The following CXCL1 variants were observed in gnomAD, a reference collection of about 807,000 sequenced individuals.
CXCL1 encodes the protein C-X-C motif chemokine ligand 1.
In CXCL1, 9 loss-of-function variants were observed where a neutral mutation model predicts 11.7. The ratio of observed to expected loss-of-function variants is 0.77; its 90% confidence interval spans 0.46 to 1.34. The LOEUF is 1.34. Among genes scored for constraint, CXCL1 ranks in the 40% most tolerant of loss-of-function variants. The pLI is 0.00. For synonymous variants in CXCL1, 78 were observed against 59.1 expected (o/e 1.32, Z -1.47); for missense variants, 146 against 138.1 (o/e 1.06, Z -0.29).
rs559470228 is a variant in CXCL1, at chr4:73,869,802, G to T, written c.224+10G>T. The stretch of plus-strand genomic sequence containing the variant: ...CCCAAACCGAAGTCATGTAAGTCCC[G>T]CCCCGCGCTGCCTCTGCCACCGCCG... On this transcript the variant is annotated intron_variant, in intron 2 of 3. Transcript: ENST00000395761. The T allele has an allele frequency of 8.1e-6, 13 of 1,613,696 alleles. No individual in the cohort carries two copies. In the East Asian group the frequency reaches 2.2e-4, roughly 28 times the overall value.
At chr4:73,870,157 G>T in intron 3 of CXCL1, 168 bp downstream of exon 3, 1 of 731,326 alleles carries the variant, frequency 1.4e-6, no homozygotes, top group East Asian at 2.7e-5. Context: ...TACTGCTCTG[G>T]TGCCAGAGGA....
rs200330934 is a variant in CXCL1 at position 73,869,650 on chromosome 4, T to C, written c.101-19T>C. 9.5e-5 allele frequency: 153 copies of C among 1,613,960 alleles called. No homozygotes were observed. The Middle Eastern group carries it at 9.9e-4, about 10-fold the overall frequency. Reference sequence around the variant, plus strand: ...AGCGCCGACAGCCTCGCTCAGTCAGTGAGTCTCTTCTTCCCTAGGAGCGTC... The same window carrying C: ...AGCGCCGACAGCCTCGCTCAGTCAGCGAGTCTCTTCTTCCCTAGGAGCGTC... On this transcript the variant is annotated intron_variant, in intron 1 of 3. Coordinates refer to ENST00000395761, the MANE Select transcript of CXCL1 (RefSeq NM_001511.4).
At chr4:73,870,140 C>A (rs1049390051) in intron 3 of CXCL1, 151 bp downstream of exon 3, 2 of 788,490 alleles carry the variant, frequency 2.5e-6, no homozygotes, top group East Asian at 2.7e-5. Flanking sequence ...GTTTCCTTTA[C>A]GATAATTACT....
chr4:73,871,003 G>GT lies in CXCL1; in HGVS notation c.*470dup. 1 of 154,314 alleles carries GT rather than the reference G, an allele frequency of 6.5e-6. No individual in the cohort carries two copies. The highest frequency in any genetic ancestry group is 2.5e-5 in the African/African-American group (1 of 40,566). 9.6% of individuals were successfully genotyped at this position (154,314 alleles called of 1,614,324 possible). On this transcript the variant is annotated 3_prime_UTR_variant, in exon 4 of 4. Transcript: ENST00000395761. ...GTATGTGCACATCTGTTTTGTAACTGTTTAGATGAATGTCAGTTGTTATTT... is the reference window on the plus strand; with the variant it reads ...GTATGTGCACATCTGTTTTGTAACTGTTTTAGATGAATGTCAGTTGTTATTT...
chr4:73,870,131 T>G (rs1560521530), intron 3 of CXCL1, 142 bp downstream of exon 3: 10 of 856,044 alleles, frequency 1.2e-5, no homozygotes, highest in Non-Finnish European at 1.6e-5. Flanking sequence ...ACAATTAAGG[T>G]TTCCTTTACG....
At chr4:73,869,617 AG>A (rs1731891079) in intron 1 of CXCL1, 47 bp downstream of exon 1, 1 of 1,613,370 alleles carries the variant, frequency 6.2e-7, no homozygotes, top group African/African-American at 1.3e-5. Flanking sequence ...CGGCTGGGGT[AG>A]GCACCCAGCG....
intron 3 of CXCL1, 170 bp downstream of exon 3, chr4:73,870,159 GC>G: frequency 1.4e-6 from 1 of 727,324 alleles, no homozygotes; most frequent in Non-Finnish European, 2.3e-6. Flanking sequence ...CTGCTCTGGT[GC>G]CAGAGGATAT....
In CXCL1 at chr4:73,869,785, G is replaced by A; in HGVS notation, c.217G>A (p.Glu73Lys). 3 of 1,613,778 alleles carry A rather than the reference G, an allele frequency of 1.9e-6. No homozygotes were observed. Among genetic ancestry groups the A allele is most frequent in the Non-Finnish European group, 2.5e-6 (3 of 1,179,860 alleles). Residue 73 changes from glutamate to lysine, a missense_variant, in exon 2 of 4, where the codon GAA becomes AAA. Transcript: ENST00000395761. ...KSPGPHCAQT[E>K]VIATLKNGRK... The stretch of plus-strand genomic sequence containing the variant: ...CCCCGGACCCCACTGCGCCCAAACC[G>A]AAGTCATGTAAGTCCCGCCCCGCGC...
Position 73,870,875 on chromosome 4 carries a change from T to C in CXCL1, c.*339T>C, listed in dbSNP as rs1451711459. 1 of 213,256 alleles carries C rather than the reference T, an allele frequency of 4.7e-6. No individual in the cohort carries two copies. The highest frequency in any genetic ancestry group is 1.1e-4 in the East Asian group (1 of 8,854). 13.2% of individuals were successfully genotyped at this position (213,256 alleles called of 1,614,324 possible). A position where few individuals can be genotyped will look rare whatever the true frequency, so the allele number is the denominator to read the frequency against. ...AATGTTTTCAAATGTTCTCCAGTCA[T>C]TATGTTAATATTTCTGAGGAGCCTG... is the stretch of plus-strand genomic sequence containing the variant. On this transcript the variant is annotated 3_prime_UTR_variant, in exon 4 of 4. Transcript: ENST00000395761.
At chr4:73,869,860 TC>T (rs763060377) in intron 2 of CXCL1, 45 bp from the exon 3 acceptor site, 129 of 1,613,586 alleles carry the variant, frequency 8.0e-5, no homozygotes, top group Non-Finnish European at 9.8e-5. Flanking sequence ...CCCAACCCTG[TC>T]CCCAGCCCGA....
rs1731936010 is a variant in CXCL1 at position 73,870,866 on chromosome 4, C to G, written c.*330C>G. The G allele has an allele frequency of 1.3e-5, 3 of 227,876 alleles. No individual in the cohort carries two copies. Among genetic ancestry groups the G allele is most frequent in the Non-Finnish European group, 1.8e-5 (2 of 114,134 alleles). The allele number at this position is 227,876 out of a possible 1,614,324, so 14.1% of individuals were successfully genotyped here. On this transcript the variant is annotated 3_prime_UTR_variant, in exon 4 of 4. Coordinates refer to ENST00000395761, the MANE Select transcript of CXCL1 (RefSeq NM_001511.4). The stretch of plus-strand genomic sequence containing the variant: ...TGAAGGTAGAATGTTTTCAAATGTT[C>G]TCCAGTCATTATGTTAATATTTCTG...
chr4:73,870,753 A>C lies in CXCL1; in HGVS notation c.*217A>C. 3.6e-6 allele frequency: 2 copies of C among 551,024 alleles called. No individual in the cohort carries two copies. The highest frequency in any genetic ancestry group is 6.2e-5 in the East Asian group (2 of 32,404). The allele number at this position is 551,024 out of a possible 1,614,324, so 34.1% of individuals were successfully genotyped here. On this transcript the variant is annotated 3_prime_UTR_variant, in exon 4 of 4. Transcript: ENST00000395761. ...TAGGTGTAAAATAATTAAGGGTATG[A>C]TTAACTCTACCTGCACACTGTCCTA...
rs1176290310 is a variant in CXCL1, at chr4:73,869,402, G to A, written c.-69G>A. On this transcript the variant is annotated 5_prime_UTR_variant, in exon 1 of 4. Coordinates refer to ENST00000395761, the MANE Select transcript of CXCL1 (RefSeq NM_001511.4). The stretch of plus-strand genomic sequence containing the variant: ...CGGATCTCGGAGAGCCACAGAGCCC[G>A]GGCCGCAGGCACCTCCTCGCCAGCT... 1 of 1,510,004 alleles carries A rather than the reference G, an allele frequency of 6.6e-7. No individual in the cohort carries two copies. The highest frequency in any genetic ancestry group is 8.9e-7 in the Non-Finnish European group (1 of 1,122,994). 93.5% of individuals were successfully genotyped at this position (1,510,004 alleles called of 1,614,324 possible).
chr4:73,870,299 T>G, intron 3 of CXCL1: 2 of 624,246 alleles, frequency 3.2e-6, no homozygotes, highest in South Asian at 2.0e-5. Flanking sequence ...AATAGTACAG[T>G]GGAGACCACC....
rs1814092 is a variant in CXCL1, at chr4:73,870,518, C to A, written c.309-3C>A. 1.2e-6 allele frequency: 2 copies of A among 1,613,736 alleles called. No individual in the cohort carries two copies. The highest frequency in any genetic ancestry group is 1.7e-6 in the Non-Finnish European group (2 of 1,179,812). Reference sequence around the variant, plus strand: ...ACTCAGGGCACCCATTTTCTCATTGCAGTGACAAATCCAACTGACCAGAAG... The same window carrying A: ...ACTCAGGGCACCCATTTTCTCATTGAAGTGACAAATCCAACTGACCAGAAG... On this transcript the variant is annotated splice_region_variant and splice_polypyrimidine_tract_variant and intron_variant, in intron 3 of 3. Coordinates refer to ENST00000395761, the MANE Select transcript of CXCL1 (RefSeq NM_001511.4).
Position 73,869,656 on chromosome 4 carries a change from TC to T in CXCL1, c.101-12del. On this transcript the variant is annotated splice_polypyrimidine_tract_variant and intron_variant, in intron 1 of 3. Transcript: ENST00000395761. ...GACAGCCTCGCTCAGTCAGTGAGTC[TC>T]TTCTTCCCTAGGAGCGTCCGTGGCC... 1 of 1,614,100 alleles carries T rather than the reference TC, an allele frequency of 6.2e-7. No individual in the cohort carries two copies. Among genetic ancestry groups the T allele is most frequent in the Non-Finnish European group, 8.5e-7 (1 of 1,179,992 alleles).
In CXCL1 at chr4:73,869,781, A is replaced by G. The variant is rs377357456; in HGVS notation, c.213A>G (p.Gln71=). 3 of 1,613,586 alleles carry G rather than the reference A, an allele frequency of 1.9e-6. No homozygotes were observed. Among genetic ancestry groups the G allele is most frequent in the Non-Finnish European group, 2.5e-6 (3 of 1,179,848 alleles). ...AGTCCCCCGGACCCCACTGCGCCCAAACCGAAGTCATGTAAGTCCCGCCCC... is the reference window on the plus strand; with the variant it reads ...AGTCCCCCGGACCCCACTGCGCCCAGACCGAAGTCATGTAAGTCCCGCCCC... ...NVKSPGPHCA[Q]TEVIATLKNG... Residue 71 remains glutamine (Q), a synonymous_variant, in exon 2 of 4, where the codon CAA becomes CAG. Coordinates refer to ENST00000395761, the MANE Select transcript of CXCL1 (RefSeq NM_001511.4).
intron 3 of CXCL1, 23 bp from the exon 4 acceptor site, chr4:73,870,498 G>C: frequency 6.2e-7 from 1 of 1,613,762 alleles, no homozygotes; most frequent in South Asian, 1.1e-5. Context: ...CACCTACTCA[G>C]GGCACCCATT....
chr4:73,870,016 G>A (rs1323911814), intron 3 of CXCL1, 27 bp downstream of exon 3: 2 of 1,609,520 alleles, frequency 1.2e-6, no homozygotes, highest in East Asian at 2.2e-5. Flanking sequence ...ATGTACACAG[G>A]CGACTGGAGC....
Sources: allele counts gnomAD v4.1 joint callset, GRCh38; gene constraint gnomAD v4.1.1; transcripts MANE v1.5; gene names NCBI Gene and HGNC (gene_info 2026-07-23, HGNC 2026-07-21).